The following SLC24A2 variants were observed in gnomAD, a reference collection of about 807,000 sequenced individuals.
The protein encoded by SLC24A2 is sodium/potassium/calcium exchanger 2.
In SLC24A2, 36 loss-of-function variants were observed where a neutral mutation model predicts 62.0. The ratio of observed to expected loss-of-function variants is 0.58; its 90% confidence interval spans 0.44 to 0.77. The LOEUF is 0.77. Ranked by LOEUF, SLC24A2 falls within the 30% of genes least tolerant of loss-of-function variation. SLC24A2 has a pLI of 0.00. For missense variants in SLC24A2, 846 were observed against 817.9 expected (o/e 1.03, Z -0.42); for synonymous variants, 358 against 294.0 (o/e 1.22, Z -2.23).
At chr9:20,273,096 A>T in the SLC24A2 span, among the ~76,000 whole-genome samples, 1 of 152,308 alleles carries the variant, frequency 6.6e-6, no homozygotes, top group African/African-American at 2.4e-5. Flanking sequence ...TACCACACCC[A>T]ACAGAGGATG....
At chr9:20,182,991 G>A in the SLC24A2 span, among the ~76,000 whole-genome samples, 2 of 152,164 alleles carry the variant, frequency 1.3e-5, no homozygotes, top group African/African-American at 4.8e-5. Context: ...TAATAGTTCA[G>A]TCCTCTCTGC....
rs780450451 is a variant in SLC24A2, at chr9:19,756,903, C to CTTTTTTTTT, written c.930+29025_930+29033dup. Among the ~76,000 whole-genome samples, 188 of 78,526 alleles carry CTTTTTTTTT rather than the reference C, an allele frequency of 2.4e-3. 32 individuals are homozygous for CTTTTTTTTT. The highest frequency in any genetic ancestry group is 0.011 in the South Asian group (17 of 1,520). 51.5% of individuals were successfully genotyped at this position (78,526 alleles called of 152,430 possible). A position where few individuals can be genotyped will look rare whatever the true frequency, so the allele number is the denominator to read the frequency against. On this transcript the variant is annotated intron_variant, in intron 2 of 10. Coordinates refer to ENST00000341998, the MANE Select transcript of SLC24A2 (RefSeq NM_020344.4). ...GATATTCACACTTCTTTTACTGAAG[C>CTTTTTTTTT]TTTTTTTTTTTTTTTTTTTTTTTAG... is the stretch of plus-strand genomic sequence containing the variant.
At chr9:20,231,818 T>G in the SLC24A2 span, among the ~76,000 whole-genome samples, 1 of 152,230 alleles carries the variant, frequency 6.6e-6, no homozygotes, top group Non-Finnish European at 1.5e-5. Context: ...GTGCCCGTTT[T>G]CATAGGTAAT....
At chr9:20,201,896 G>A in the SLC24A2 span, among the ~76,000 whole-genome samples, 3 of 152,240 alleles carry the variant, frequency 2.0e-5, no homozygotes, top group East Asian at 5.8e-4. Flanking sequence ...ATTTGTCATT[G>A]CTGTACAGCC....
chr9:19,987,617 T>C, the SLC24A2 span, among the ~76,000 whole-genome samples: 1 of 152,184 alleles, frequency 6.6e-6, no homozygotes, highest in South Asian at 2.1e-4. Context: ...CCTGAGGAAA[T>C]GTATCCATTT....
At chr9:19,736,089 G>C (rs1821501846) in intron 2 of SLC24A2, among the ~76,000 whole-genome samples, 1 of 152,146 alleles carries the variant, frequency 6.6e-6, no homozygotes, top group South Asian at 2.1e-4. Flanking sequence ...GAGATTCTTA[G>C]TACATGCTGT....
At chr9:20,091,946 A>T in the SLC24A2 span, among the ~76,000 whole-genome samples, 1 of 152,236 alleles carries the variant, frequency 6.6e-6, no homozygotes, top group East Asian at 1.9e-4. Context: ...TTGCAGGAAC[A>T]TGGATGGAGC....
chr9:19,951,560 TA>T, the SLC24A2 span, among the ~76,000 whole-genome samples: 1 of 50,866 alleles, frequency 2.0e-5, no homozygotes, highest in Non-Finnish European at 6.4e-5. Flanking sequence ...GGTCAAGATT[TA>T]TTTTTTTTTT....
intron 2 of SLC24A2, among the ~76,000 whole-genome samples, chr9:19,756,625 A>G (rs1822146902): frequency 6.6e-6 from 1 of 152,172 alleles, no homozygotes; most frequent in Non-Finnish European, 1.5e-5. Context: ...TCATGTAATT[A>G]TGTGACAACT....
chr9:20,145,106 C>T, the SLC24A2 span, among the ~76,000 whole-genome samples: 2 of 151,992 alleles, frequency 1.3e-5, no homozygotes, highest in East Asian at 3.9e-4. Flanking sequence ...ATTTTGTGAA[C>T]CAAAAATTGG....
intron 7 of SLC24A2, among the ~76,000 whole-genome samples, chr9:19,555,408 A>G (rs1835035376): frequency 6.6e-6 from 1 of 152,178 alleles, no homozygotes; most frequent in South Asian, 2.1e-4. Flanking sequence ...GTTCAGAGCC[A>G]AATTTGTAAC....
the SLC24A2 span, among the ~76,000 whole-genome samples, chr9:20,206,882 G>GGC: frequency 1.1e-3 from 4 of 3,550 alleles, no homozygotes; most frequent in Non-Finnish European, 5.4e-3. Context: ...AAACTAAGTT[G>GGC]GGGGGGGCGG....
the SLC24A2 span, among the ~76,000 whole-genome samples, chr9:19,859,537 A>T: frequency 1.3e-5 from 2 of 152,220 alleles, no homozygotes; most frequent in African/African-American, 4.8e-5. Context: ...GAGCAAGATG[A>T]TAAAATAAAA....
intron 7 of SLC24A2, among the ~76,000 whole-genome samples, chr9:19,558,605 CAAT>C (rs1318267074): frequency 6.6e-6 from 1 of 152,272 alleles, no homozygotes; most frequent in South Asian, 2.1e-4. Flanking sequence ...CCCTTTATAA[CAAT>C]AAACTTTCCT....
chr9:19,537,239 G>C (rs915446415), intron 8 of SLC24A2, among the ~76,000 whole-genome samples: 29 of 143,276 alleles, frequency 2.0e-4, no homozygotes, highest in African/African-American at 7.3e-4. Context: ...GTCTTTTGTT[G>C]CCATTGCTTT....
the SLC24A2 span, among the ~76,000 whole-genome samples, chr9:20,204,201 T>C: frequency 5.9e-5 from 9 of 152,194 alleles, no homozygotes; most frequent in Admixed American, 2.0e-4. Context: ...ATATAGTAAC[T>C]GAGAAATAAT....
chr9:19,575,419 C>T (rs1586985446), intron 6 of SLC24A2, among the ~76,000 whole-genome samples: 1 of 152,146 alleles, frequency 6.6e-6, no homozygotes, highest in East Asian at 1.9e-4. Flanking sequence ...GTTAACATGT[C>T]CAAGAACAGA....
At chr9:20,035,598 A>G in the SLC24A2 span, among the ~76,000 whole-genome samples, 2 of 152,132 alleles carry the variant, frequency 1.3e-5, no homozygotes, top group Non-Finnish European at 2.9e-5. Context: ...TACAAAAAAT[A>G]AAAAAGTTAG....
At chr9:20,235,949 G>C in the SLC24A2 span, among the ~76,000 whole-genome samples, 2 of 152,116 alleles carry the variant, frequency 1.3e-5, no homozygotes, top group South Asian at 4.1e-4. Context: ...CAGGAACTGG[G>C]ATCCATATAC....
Sources: allele counts gnomAD v4.1 joint callset (sites outside exome capture counted in the v4.1 genomes callset), GRCh38; gene constraint gnomAD v4.1.1; transcripts MANE v1.5; gene names NCBI Gene and HGNC (gene_info 2026-07-23, HGNC 2026-07-21).